Variants in ZFHX3 observed in about 807,000 individuals in gnomAD.
ZFHX3 encodes the protein zinc finger homeobox 3, also known as zinc finger homeobox protein 3.
In ZFHX3, 42 loss-of-function variants were observed where a neutral mutation model predicts 279.1. The ratio of observed to expected loss-of-function variants is 0.15; its 90% CI spans 0.12 to 0.19. The LOEUF (loss-of-function observed/expected upper bound fraction) is 0.19. ZFHX3 is among the 10% of genes least tolerant of loss of function. The pLI, the probability that ZFHX3 is intolerant of heterozygous loss-of-function variation, is 1.00. For missense variants in ZFHX3, 4,981 were observed against 4,754.0 expected (o/e 1.05, Z -1.40); for synonymous variants, 2,293 against 1,957.8 (o/e 1.17, Z -4.52).
At chr16:73,333,886 G>C (rs1199295374) in intron 3 of ZFHX3, among the ~76,000 whole-genome samples, 1 of 150,554 alleles carries the variant, frequency 6.6e-6, no homozygotes, top group Non-Finnish European at 1.5e-5. Flanking sequence ...AAGGACCACA[G>C]CTGACTTCCA....
At chr16:73,699,920 C>G (rs1459141611) in intron 1 of ZFHX3, among the ~76,000 whole-genome samples, 1 of 152,124 alleles carries the variant, frequency 6.6e-6, no homozygotes, top group Non-Finnish European at 1.5e-5. Flanking sequence ...ATGGCATATA[C>G]TGAACATTAA....
At chr16:73,404,525 C>A (rs1224459378) in intron 3 of ZFHX3, among the ~76,000 whole-genome samples, 4 of 152,226 alleles carry the variant, frequency 2.6e-5, no homozygotes, top group Admixed American at 6.5e-5. Flanking sequence ...TAAATCACAT[C>A]ACCTGCAGGT....
intron 5 of ZFHX3, among the ~76,000 whole-genome samples, chr16:73,158,179 C>T (rs533505932): frequency 8.5e-5 from 13 of 152,274 alleles, no homozygotes; most frequent in East Asian, 1.9e-4. Context: ...ACAGCAGCCC[C>T]GGCATTTACC....
chr16:73,591,865 G>A (rs2052003136), intron 2 of ZFHX3, among the ~76,000 whole-genome samples: 1 of 151,878 alleles, frequency 6.6e-6, no homozygotes, highest in Non-Finnish European at 1.5e-5. Flanking sequence ...AACACTTAGT[G>A]GATATTTGAT....
At chr16:73,430,167 G>T (rs1293219864) in intron 3 of ZFHX3, among the ~76,000 whole-genome samples, 1 of 152,132 alleles carries the variant, frequency 6.6e-6, no homozygotes, top group Non-Finnish European at 1.5e-5. Flanking sequence ...TGGGATTACA[G>T]GCACGGGTCA....
intron 3 of ZFHX3, among the ~76,000 whole-genome samples, chr16:73,391,073 T>C (rs987664758): frequency 1.3e-5 from 2 of 152,134 alleles, no homozygotes; most frequent in African/African-American, 4.8e-5. Context: ...AGGAGAGGAC[T>C]GTGGCAATAG....
At chr16:73,236,852 G>C (rs2144938348) in intron 5 of ZFHX3, among the ~76,000 whole-genome samples, 1 of 152,284 alleles carries the variant, frequency 6.6e-6, no homozygotes, top group African/African-American at 2.4e-5. Context: ...CCAGAAGAGA[G>C]AGATCCTGCC....
chr16:73,703,522 A>G (rs2053272573), intron 1 of ZFHX3, among the ~76,000 whole-genome samples: 1 of 152,096 alleles, frequency 6.6e-6, no homozygotes, highest in African/African-American at 2.4e-5. Context: ...GGGAAGGGGA[A>G]GGTTTATAGG....
At chr16:72,912,521 T>A (rs1399842237) in intron 3 of ZFHX3, among the ~76,000 whole-genome samples, 1 of 152,158 alleles carries the variant, frequency 6.6e-6, no homozygotes. Flanking sequence ...GTTGGAAGCT[T>A]CTAAGGCGTA....
intron 2 of ZFHX3, among the ~76,000 whole-genome samples, chr16:73,663,129 T>C (rs753357341): frequency 6.6e-6 from 1 of 152,200 alleles, no homozygotes; most frequent in Non-Finnish European, 1.5e-5. Flanking sequence ...GCCATTCTGA[T>C]TTGTAGCGTC....
At chr16:73,603,105 A>G (rs1343427466) in intron 2 of ZFHX3, among the ~76,000 whole-genome samples, 6 of 152,058 alleles carry the variant, frequency 3.9e-5, no homozygotes, top group Admixed American at 1.3e-4. Flanking sequence ...CTAACACGGT[A>G]AAACCTGTCT....
intron 1 of ZFHX3, among the ~76,000 whole-genome samples, chr16:73,781,319 G>T (rs1959464196): frequency 6.6e-6 from 1 of 152,180 alleles, no homozygotes; most frequent in Non-Finnish European, 1.5e-5. Context: ...TGATTAAGCA[G>T]CTCGATTATA....
At chr16:73,870,701 A>C (rs1962139863) in intron 1 of ZFHX3, among the ~76,000 whole-genome samples, 1 of 152,192 alleles carries the variant, frequency 6.6e-6, no homozygotes, top group African/African-American at 2.4e-5. Context: ...TTAAGTTCAA[A>C]GTCAATTCAG....
At chr16:73,264,618 G>A (rs934298886) in intron 4 of ZFHX3, among the ~76,000 whole-genome samples, 6 of 151,852 alleles carry the variant, frequency 4.0e-5, no homozygotes, top group Admixed American at 3.9e-4. Flanking sequence ...TGGGGAACGG[G>A]TGGTATTTGG....
rs1846549391 is a variant in ZFHX3 at position 72,959,312 on chromosome 16, C to T, written c.834G>A (p.Arg278=). 1.2e-6 allele frequency: 2 copies of T among 1,614,240 alleles called. No individual in the cohort carries two copies. The highest frequency in any genetic ancestry group is 1.7e-6 in the Non-Finnish European group (2 of 1,180,046). The change falls in exon 2 of 10, where the codon AGG becomes AGA. Residue 278 remains arginine (R), a synonymous_variant. Coordinates refer to ENST00000268489, the MANE Select transcript of ZFHX3 (RefSeq NM_006885.4). ...KFDGFVLYGK[R]KPILMCFLCK... ...ACAAGAAACACATCAGGATGGGCTTCCTCTTGCCATAGAGCACAAAGCCAT... is the reference window on the plus strand; with the variant it reads ...ACAAGAAACACATCAGGATGGGCTTTCTCTTGCCATAGAGCACAAAGCCAT...
At chr16:73,588,546 C>T (rs182572505) in intron 2 of ZFHX3, among the ~76,000 whole-genome samples, 14 of 151,366 alleles carry the variant, frequency 9.2e-5, no homozygotes, top group South Asian at 2.1e-4. Context: ...AAATATTAGC[C>T]GGGTGTGGTG....
intron 1 of ZFHX3, among the ~76,000 whole-genome samples, chr16:72,963,718 G>T (rs545834913): frequency 6.6e-6 from 1 of 152,140 alleles, no homozygotes; most frequent in Non-Finnish European, 1.5e-5. Flanking sequence ...ATGTGCTGAT[G>T]ACAGTTTTAT....
At chr16:73,245,324 C>G (rs1311653083) in intron 5 of ZFHX3, among the ~76,000 whole-genome samples, 2 of 152,106 alleles carry the variant, frequency 1.3e-5, no homozygotes, top group Admixed American at 6.6e-5. Context: ...GGCTGGAGTT[C>G]AGTTGTGTGA....
At chr16:72,924,940 A>C (rs1452380598) in intron 3 of ZFHX3, among the ~76,000 whole-genome samples, 1 of 152,164 alleles carries the variant, frequency 6.6e-6, no homozygotes, top group African/African-American at 2.4e-5. Context: ...CTATAGACCC[A>C]AAAACGGAGA....
Sources: gnomAD v4.1 joint callset for allele counts (sites outside exome capture counted in the v4.1 genomes callset) on GRCh38, gnomAD v4.1.1 for gene constraint, MANE v1.5 for transcripts, NCBI Gene and HGNC (gene_info 2026-07-23, HGNC 2026-07-21) for gene names.